Variants in MYO5B observed in about 807,000 individuals in gnomAD.
MYO5B encodes unconventional myosin-Vb.
A neutral mutation model predicts 229.3 loss-of-function variants in MYO5B; 143 were observed. The ratio of observed to expected loss-of-function variants is 0.62; its 90% confidence interval spans 0.54 to 0.72. The LOEUF (loss-of-function observed/expected upper bound fraction) is 0.72, where lower values mean the gene tolerates loss of function less well. Among genes scored for constraint, MYO5B ranks in the 30% least tolerant of loss-of-function variants. MYO5B has a pLI of 0.00. For synonymous variants in MYO5B, 918 were observed against 885.2 expected (o/e 1.04, Z -0.66); for missense variants, 2,321 against 2,331.0 (o/e 1.00, Z 0.09).
intron 1 of MYO5B, among the ~76,000 whole-genome samples, chr18:50,159,023 T>G (rs1209915211): frequency 6.6e-6 from 1 of 152,184 alleles, no homozygotes; most frequent in Non-Finnish European, 1.5e-5. Context: ...TACAGCTCCT[T>G]TCATGCATGA....
intron 24 of MYO5B, 88 bp downstream of exon 24, chr18:49,878,857 T>A: frequency 6.8e-7 from 1 of 1,475,922 alleles, no homozygotes; most frequent in South Asian, 1.1e-5. Context: ...GCATCACATA[T>A]CAGAAAGCAG....
At chr18:50,062,198 C>T (rs181160956) in intron 1 of MYO5B, among the ~76,000 whole-genome samples, 3 of 152,168 alleles carry the variant, frequency 2.0e-5, no homozygotes, top group Middle Eastern at 3.4e-3. Flanking sequence ...CAATTAACAA[C>T]GATACGCCAA....
chr18:49,991,613 G>A (rs1276239278), intron 6 of MYO5B, among the ~76,000 whole-genome samples: 2 of 152,156 alleles, frequency 1.3e-5, no homozygotes, highest in African/African-American at 4.8e-5. Flanking sequence ...GGACATCTGG[G>A]AATTGAACAA....
intron 1 of MYO5B, among the ~76,000 whole-genome samples, chr18:50,066,658 T>A (rs1246602386): frequency 1.3e-5 from 2 of 152,182 alleles, no homozygotes; most frequent in East Asian, 1.9e-4. Flanking sequence ...ACACACACAC[T>A]GAGTTGCAGC....
chr18:49,959,808 G>T (rs1598913002), intron 12 of MYO5B, among the ~76,000 whole-genome samples: 1 of 152,206 alleles, frequency 6.6e-6, no homozygotes, highest in African/African-American at 2.4e-5. Flanking sequence ...GGCAGCAGGG[G>T]CTGGTGGGCA....
At chr18:49,853,685 G>A in intron 30 of MYO5B, 38 bp from the exon 31 acceptor site, 4 of 1,593,754 alleles carry the variant, frequency 2.5e-6, no homozygotes, top group Non-Finnish European at 2.6e-6. Flanking sequence ...CGTGGCCCAG[G>A]CCAGGGCCCC....
At chr18:50,103,331 A>G (rs2031690786) in intron 1 of MYO5B, among the ~76,000 whole-genome samples, 1 of 151,380 alleles carries the variant, frequency 6.6e-6, no homozygotes, top group Non-Finnish European at 1.5e-5. Context: ...GGGAAGGGTA[A>G]AAGACACTCT....
rs542582528 is a variant in MYO5B at position 50,038,451 on chromosome 18, T to C, written c.311-1457A>G. ...AGAAGTTTGCCTGAAAAGACCAAAA[T>C]ATAAGGCCCAGAACCCTAACAAATT... On this transcript the variant is annotated intron_variant, in intron 3 of 39. Coordinates refer to ENST00000285039, the MANE Select transcript of MYO5B (RefSeq NM_001080467.3). 3.9e-5 allele frequency among the ~76,000 whole-genome samples: 6 copies of C among 152,286 alleles called. No homozygotes were observed. In the South Asian group the frequency reaches 1.2e-3, roughly 32 times the overall value.
chr18:50,045,076 C>T (rs962032086), intron 2 of MYO5B, among the ~76,000 whole-genome samples: 3 of 152,194 alleles, frequency 2.0e-5, no homozygotes, highest in Admixed American at 2.0e-4. Context: ...TGTCCTTGTG[C>T]TGTACCTGTG....
intron 1 of MYO5B, among the ~76,000 whole-genome samples, chr18:50,110,413 A>G (rs895696058): frequency 2.0e-4 from 30 of 152,286 alleles, no homozygotes; most frequent in African/African-American, 7.0e-4. Context: ...ATAGGCACTC[A>G]AGGATTTGGA....
chr18:50,092,452 G>A (rs566272515), intron 1 of MYO5B, among the ~76,000 whole-genome samples: 28 of 152,054 alleles, frequency 1.8e-4, no homozygotes, highest in African/African-American at 4.8e-4. Context: ...CTGCTGCTGC[G>A]TTCTAACACA....
intron 1 of MYO5B, among the ~76,000 whole-genome samples, chr18:50,083,326 T>C (rs1312799899): frequency 6.6e-6 from 1 of 152,202 alleles, no homozygotes; most frequent in Non-Finnish European, 1.5e-5. Context: ...TAGCCATTGA[T>C]GATTGACTCA....
intron 17 of MYO5B, among the ~76,000 whole-genome samples, chr18:49,919,319 C>G (rs188308650): frequency 6.6e-6 from 1 of 151,956 alleles, no homozygotes; most frequent in Non-Finnish European, 1.5e-5. Context: ...AAGAAATAAA[C>G]AGATTTCTTC....
chr18:49,975,204 G>T (rs2025737001), intron 9 of MYO5B, among the ~76,000 whole-genome samples: 1 of 152,194 alleles, frequency 6.6e-6, no homozygotes, highest in Admixed American at 6.5e-5. Context: ...CCAGCTGTAT[G>T]CTCAGAAACA....
intron 4 of MYO5B, among the ~76,000 whole-genome samples, chr18:50,022,336 T>C (rs112991329): frequency 2.9e-4 from 44 of 152,334 alleles, no homozygotes; most frequent in African/African-American, 1.0e-3. Flanking sequence ...TTAAATAACA[T>C]TCATATATCA....
At chr18:50,103,999 T>TAAA (rs34686037) in intron 1 of MYO5B, among the ~76,000 whole-genome samples, 344 of 131,872 alleles carry the variant, frequency 2.6e-3, no homozygotes, top group African/African-American at 9.0e-3. Context: ...CCATCTCCAT[T>TAAA]AAAAAAAAAA....
intron 1 of MYO5B, among the ~76,000 whole-genome samples, chr18:50,163,722 C>G (rs1009834232): frequency 6.6e-6 from 1 of 152,198 alleles, no homozygotes; most frequent in African/African-American, 2.4e-5. Context: ...CAGCAGAGAC[C>G]AGCTGCTTCT....
At chr18:49,951,236 G>A (rs1393960735) in intron 14 of MYO5B, among the ~76,000 whole-genome samples, 2 of 152,114 alleles carry the variant, frequency 1.3e-5, no homozygotes, top group Admixed American at 6.5e-5. Flanking sequence ...TGAGTTTGCT[G>A]TTTACTTTTT....
At chr18:49,983,093 G>A (rs1417098382) in intron 8 of MYO5B, among the ~76,000 whole-genome samples, 1 of 152,166 alleles carries the variant, frequency 6.6e-6, no homozygotes, top group African/African-American at 2.4e-5. Flanking sequence ...ATGTAGTGCT[G>A]AGGAAGTCAG....
Sources: gnomAD v4.1 joint callset for allele counts (sites outside exome capture counted in the v4.1 genomes callset) on GRCh38, gnomAD v4.1.1 for gene constraint, MANE v1.5 for transcripts, NCBI Gene and HGNC (gene_info 2026-07-23, HGNC 2026-07-21) for gene names.